The following UCK2 variants were observed in gnomAD, a reference collection of about 807,000 sequenced individuals.
UCK2 encodes uridine-cytidine kinase 2.
UCK2 carries 6 observed loss-of-function variants against 30.8 expected under a neutral mutation model. The ratio of observed to expected loss-of-function variants is 0.19; its 90% CI spans 0.11 to 0.38. UCK2 has a LOEUF of 0.38. UCK2 is among the 10% of genes least tolerant of loss of function. The pLI, the probability that UCK2 is intolerant of heterozygous loss-of-function variation, is 1.00. For synonymous variants in UCK2, 125 were observed against 133.6 expected (o/e 0.94, Z 0.45); for missense variants, 210 against 339.8 (o/e 0.62, Z 3.00).
At chr1:165,827,999 G>T in intron 1 of UCK2, 67 bp downstream of exon 1, 5 of 1,181,758 alleles carry the variant, frequency 4.2e-6, no homozygotes, top group Non-Finnish European at 5.3e-6. Flanking sequence ...TGTGGCCGGC[G>T]GCCGCGGGCC....
At chr1:165,886,418 C>T (rs1475897789) in intron 1 of UCK2, among the ~76,000 whole-genome samples, 1 of 152,022 alleles carries the variant, frequency 6.6e-6, no homozygotes, top group Non-Finnish European at 1.5e-5. Context: ...CCTTAGCCTG[C>T]CACACGTAGC....
intron 4 of UCK2, 127 bp from the exon 5 acceptor site, chr1:165,903,055 A>G: frequency 1.4e-6 from 1 of 691,268 alleles, no homozygotes. Flanking sequence ...CAAGCCTCTC[A>G]GGATTCCAGC....
chr1:165,845,974 C>T (rs897580902), intron 1 of UCK2, among the ~76,000 whole-genome samples: 1 of 152,110 alleles, frequency 6.6e-6, no homozygotes, highest in Middle Eastern at 3.2e-3. Context: ...GCATTCTGTG[C>T]GTTCTCACTG....
chr1:165,879,754 A>G (rs1382791590), intron 1 of UCK2, among the ~76,000 whole-genome samples: 1 of 152,078 alleles, frequency 6.6e-6, no homozygotes, highest in African/African-American at 2.4e-5. Flanking sequence ...AGCAAAACTT[A>G]GAAGGGAACA....
intron 1 of UCK2, among the ~76,000 whole-genome samples, chr1:165,828,302 C>T (rs1437190855): frequency 6.6e-6 from 1 of 152,188 alleles, no homozygotes; most frequent in Non-Finnish European, 1.5e-5. Flanking sequence ...GCAGGATCCC[C>T]CACTAACCCC....
chr1:165,866,151 CAT>C lies in UCK2; in HGVS notation c.100-24047_100-24046del, dbSNP rs1459168773. ...ACTGGAGTATAGGCTGTGCTCTTAG[CAT>C]ATATACCGGGAAGTAAACACCTCTT... is the stretch of plus-strand genomic sequence containing the variant. On this transcript the variant is annotated intron_variant, in intron 1 of 6. Transcript: ENST00000367879. Among the ~76,000 whole-genome samples the C allele has an allele frequency of 2.6e-5, 4 of 152,158 alleles. No individual in the cohort carries two copies. The East Asian group carries it at 7.7e-4, about 29-fold the overall frequency.
chr1:165,905,316 C>T (rs935624449), intron 5 of UCK2, among the ~76,000 whole-genome samples: 1 of 152,044 alleles, frequency 6.6e-6, no homozygotes, highest in African/African-American at 2.4e-5. Context: ...TACCCCCTCT[C>T]TATAAAAAAT....
chr1:165,868,883 G>A (rs548636737), intron 1 of UCK2, among the ~76,000 whole-genome samples: 8 of 152,190 alleles, frequency 5.3e-5, no homozygotes, highest in Admixed American at 6.5e-5. Flanking sequence ...CTTTTGACCT[G>A]TCTTGGCTTT....
At chr1:165,892,789 G>A (rs1489847423) in intron 3 of UCK2, 1 of 152,402 alleles carries the variant, frequency 6.6e-6, no homozygotes, top group Non-Finnish European at 1.5e-5. Flanking sequence ...TATGGAGGAG[G>A]TGATATTTAA....
chr1:165,888,907 A>G (rs1387744332), intron 1 of UCK2, among the ~76,000 whole-genome samples: 1 of 152,218 alleles, frequency 6.6e-6, no homozygotes, highest in Non-Finnish European at 1.5e-5. Flanking sequence ...GATAAATACA[A>G]TCCTTCACTA....
At chr1:165,839,071 A>G (rs1654264858) in intron 1 of UCK2, among the ~76,000 whole-genome samples, 1 of 152,136 alleles carries the variant, frequency 6.6e-6, no homozygotes, top group Non-Finnish European at 1.5e-5. Context: ...AGAAAAAATC[A>G]GAGAGTGACT....
rs1403623577 is a variant in UCK2, at chr1:165,907,751, C to G, written c.714C>G (p.Thr238=). The part of the protein sequence containing the change: ...ILNGGPSKRQ[T]NGCLNGYTPS... The stretch of plus-strand genomic sequence containing the variant: ...ATGGAGGGCCCTCCAAACGGCAGAC[C>G]AATGGCTGTCTCAACGGCTACACCC... The change falls in exon 7 of 7, where the codon ACC becomes ACG. Residue 238 remains threonine, a synonymous_variant. Coordinates refer to ENST00000367879, the MANE Select transcript of UCK2 (RefSeq NM_012474.5). 2 of 1,614,054 alleles carry G rather than the reference C, an allele frequency of 1.2e-6. No homozygotes were observed. Among genetic ancestry groups the G allele is most frequent in the African/African-American group, 2.7e-5 (2 of 74,910 alleles).
intron 1 of UCK2, among the ~76,000 whole-genome samples, chr1:165,840,366 CA>C (rs1372589289): frequency 6.6e-6 from 1 of 152,244 alleles, no homozygotes; most frequent in Non-Finnish European, 1.5e-5. Context: ...TCTGTTACCT[CA>C]CTTAGTCATT....
chr1:165,855,043 G>A (rs979317260), intron 1 of UCK2, among the ~76,000 whole-genome samples: 3 of 152,120 alleles, frequency 2.0e-5, no homozygotes, highest in African/African-American at 7.2e-5. Context: ...GCTCACTGGG[G>A]GAAAATTACC....
chr1:165,898,533 G>A (rs545191492), intron 4 of UCK2, among the ~76,000 whole-genome samples: 8 of 152,304 alleles, frequency 5.3e-5, no homozygotes, highest in African/African-American at 1.7e-4. Context: ...AGTGATGCCC[G>A]GACTGATGCC....
intron 1 of UCK2, among the ~76,000 whole-genome samples, chr1:165,874,600 A>T (rs189473921): frequency 2.0e-5 from 3 of 152,256 alleles, no homozygotes; most frequent in Non-Finnish European, 4.4e-5. Context: ...GGCCACTCTC[A>T]GATTTCTTAG....
intron 4 of UCK2, among the ~76,000 whole-genome samples, chr1:165,896,941 C>T (rs1571298262): frequency 6.6e-6 from 1 of 152,190 alleles, no homozygotes; most frequent in Admixed American, 6.5e-5. Context: ...GTAGAGGAGC[C>T]CAGCCTGTGA....
intron 1 of UCK2, among the ~76,000 whole-genome samples, chr1:165,876,633 TA>T (rs1385961769): frequency 6.6e-6 from 1 of 152,174 alleles, no homozygotes; most frequent in Non-Finnish European, 1.5e-5. Context: ...ATATACCCAT[TA>T]AAAAAGTGAC....
intron 1 of UCK2, among the ~76,000 whole-genome samples, chr1:165,828,695 G>A (rs1182998694): frequency 6.6e-6 from 1 of 152,200 alleles, no homozygotes; most frequent in Non-Finnish European, 1.5e-5. Context: ...ATGGGTGTCT[G>A]ACCCTCTTAG....
Sources: allele counts gnomAD v4.1 joint callset (sites outside exome capture counted in the v4.1 genomes callset), GRCh38; gene constraint gnomAD v4.1.1; transcripts MANE v1.5; gene names NCBI Gene and HGNC (gene_info 2026-07-23, HGNC 2026-07-21).